The following SPTLC2 variants were observed in gnomAD, a reference collection of about 807,000 sequenced individuals.
SPTLC2 encodes serine palmitoyltransferase 2.
A neutral mutation model predicts 62.0 loss-of-function variants in SPTLC2; 21 were observed. That is an observed-to-expected ratio of 0.34 (90% CI 0.24 to 0.49). The LOEUF is 0.49. SPTLC2 is among the 20% of genes least tolerant of loss of function. The pLI is 0.99. For synonymous variants in SPTLC2, 261 were observed against 261.8 expected, an observed-to-expected ratio of 1.00 and a Z score of 0.03; for missense variants, 511 against 713.0, an observed-to-expected ratio of 0.72 and a Z score of 3.23.
At chr14:77,591,906 G>T (rs2079819829) in intron 2 of SPTLC2, among the ~76,000 whole-genome samples, 1 of 151,856 alleles carries the variant, frequency 6.6e-6, no homozygotes, top group South Asian at 2.1e-4. Flanking sequence ...TGTATTTTTA[G>T]TAGAGACCGG....
chr14:77,597,468 T>C (rs1566791353), intron 1 of SPTLC2, 88 bp from the exon 2 acceptor site: 2 of 1,289,432 alleles, frequency 1.6e-6, no homozygotes, highest in Non-Finnish European at 1.1e-6. Context: ...TTTGCTGAAT[T>C]ATACCTTAAG....
chr14:77,553,375 A>G (rs2079565331), intron 8 of SPTLC2, among the ~76,000 whole-genome samples: 3 of 152,148 alleles, frequency 2.0e-5, no homozygotes, highest in African/African-American at 7.2e-5. Flanking sequence ...AAAGCTTACT[A>G]AAAAACAACT....
Position 77,509,231 on chromosome 14 carries a change from A to G in SPTLC2, c.*3053T>C, listed in dbSNP as rs528033216. 2.0e-5 allele frequency: 3 copies of G among 152,054 alleles called. No individual in the cohort carries two copies. Among genetic ancestry groups the G allele is most frequent in the Non-Finnish European group, 4.4e-5 (3 of 68,014 alleles). The allele number at this position is 152,054 out of a possible 1,614,324, so 9.4% of individuals were successfully genotyped here. A position where few individuals can be genotyped will look rare whatever the true frequency, so the allele number is the denominator to read the frequency against. On this transcript the variant is annotated 3_prime_UTR_variant, in exon 12 of 12. Transcript: ENST00000216484. ...CTAGAAGCTTTTTTTAAAGGTAAGG[A>G]TTTCTTATCCAAAGCAAAGCAAAAA...
chr14:77,566,882 A>G (rs1422643390), intron 5 of SPTLC2, among the ~76,000 whole-genome samples: 1 of 152,022 alleles, frequency 6.6e-6, no homozygotes, highest in Non-Finnish European at 1.5e-5. Context: ...TCAGTATCAG[A>G]TTCAAAGGAT....
chr14:77,515,813 C>T (rs2079355885), intron 11 of SPTLC2, among the ~76,000 whole-genome samples: 1 of 152,098 alleles, frequency 6.6e-6, no homozygotes, highest in Admixed American at 6.5e-5. Context: ...AGGTGTGAGC[C>T]ACCGCACCCA....
intron 10 of SPTLC2, 92 bp downstream of exon 10, chr14:77,521,354 G>C: frequency 6.5e-7 from 1 of 1,528,228 alleles, no homozygotes; most frequent in South Asian, 1.1e-5. Flanking sequence ...GTAAGGACAA[G>C]ACCATTTTCC....
At chr14:77,565,808 T>C (rs973767123) in intron 5 of SPTLC2, among the ~76,000 whole-genome samples, 4 of 152,238 alleles carry the variant, frequency 2.6e-5, no homozygotes, top group Non-Finnish European at 5.9e-5. Flanking sequence ...TCACAGTTAA[T>C]TTCTTAGCTG....
At chr14:77,562,590 G>C in intron 5 of SPTLC2, 101 bp from the exon 6 acceptor site, 2 of 886,102 alleles carry the variant, frequency 2.3e-6, no homozygotes, top group South Asian at 2.8e-5. Flanking sequence ...ATCTTATTAA[G>C]GAAATTGTGC....
At chr14:77,516,010 G>A (rs1329358553) in intron 11 of SPTLC2, among the ~76,000 whole-genome samples, 6 of 25,142 alleles carry the variant, frequency 2.4e-4, no homozygotes, top group Admixed American at 6.1e-4. Context: ...GTGTGTGCGC[G>A]CGCGCGCATG....
At position 77,512,229 on chromosome 14, in the gene SPTLC2, G is replaced by A. The variant is rs1301843579; in HGVS notation, c.*55C>T. ...GTGGTTCCTGGAACTGGCTCACAAAGGCCACAGGCTGTCCTGGGTGAGGGA... is the reference window on the plus strand; with the variant it reads ...GTGGTTCCTGGAACTGGCTCACAAAAGCCACAGGCTGTCCTGGGTGAGGGA... On this transcript the variant is annotated 3_prime_UTR_variant, in exon 12 of 12. Transcript: ENST00000216484. 3.1e-6 allele frequency: 5 copies of A among 1,611,892 alleles called. No individual in the cohort carries two copies. The African/African-American group carries it at 4.0e-5, about 13-fold the overall frequency.
At chr14:77,616,264 G>A (rs1408458067) in intron 1 of SPTLC2, among the ~76,000 whole-genome samples, 184 bp downstream of exon 1, 4 of 152,200 alleles carry the variant, frequency 2.6e-5, no homozygotes, top group South Asian at 2.1e-4. Flanking sequence ...GGGAGCCCCC[G>A]AGCCGTCCTT....
chr14:77,559,360 T>C (rs2079602522), intron 6 of SPTLC2, among the ~76,000 whole-genome samples: 1 of 152,002 alleles, frequency 6.6e-6, no homozygotes, highest in Non-Finnish European at 1.5e-5. Context: ...TTAACCATAT[T>C]ATCTACTTAG....
At chr14:77,560,632 T>TAAAA (rs2079609625) in intron 6 of SPTLC2, among the ~76,000 whole-genome samples, 3 of 5,164 alleles carry the variant, frequency 5.8e-4, no homozygotes, top group South Asian at 0.014. Context: ...AAAATAAAAA[T>TAAAA]ATATATATAT....
intron 1 of SPTLC2, among the ~76,000 whole-genome samples, chr14:77,604,701 C>T (rs1375565389): frequency 6.6e-6 from 1 of 151,872 alleles, no homozygotes; most frequent in Non-Finnish European, 1.5e-5. Flanking sequence ...AACCCCATTT[C>T]TACTAAAAAT....
chr14:77,516,076 T>C (rs1242950535), intron 11 of SPTLC2, among the ~76,000 whole-genome samples: 1 of 148,484 alleles, frequency 6.7e-6, no homozygotes, highest in Admixed American at 6.8e-5. Flanking sequence ...ATGAGGCCCA[T>C]TATTAAATGA....
intron 9 of SPTLC2, among the ~76,000 whole-genome samples, chr14:77,537,048 G>C (rs555947110): frequency 1.3e-5 from 2 of 151,890 alleles, no homozygotes; most frequent in African/African-American, 2.4e-5. Context: ...TCAGCCTCCT[G>C]AATAGCTGGG....
In SPTLC2 at chr14:77,579,163, A is replaced by T. The variant is rs11849902; in HGVS notation, c.328-54T>A. The T allele has an allele frequency of 5.0e-3, 7,847 of 1,580,300 alleles. 336 individuals are homozygous for T. The African/African-American group carries it at 0.093, about 19-fold the overall frequency. On this transcript the variant is annotated intron_variant, in intron 2 of 11. Transcript: ENST00000216484. ...TTTAACTGAGTTACTTTATTAAAAA[A>T]TTTTTTAACAGATGACATGATCTTT...
rs1210034001 is a variant in SPTLC2 at position 77,531,452 on chromosome 14, T to TCTCCTC, written c.1304-9877_1304-9872dup. ...TTCTTCTTCTTCTTCTTCTCCTCCT[T>TCTCCTC]CTCCTCCTCCTCCTCCTCCTCCCCC... On this transcript the variant is annotated intron_variant, in intron 9 of 11. Transcript: ENST00000216484. Among the ~76,000 whole-genome samples, 961 of 110,992 alleles carry TCTCCTC rather than the reference T, an allele frequency of 8.7e-3. 81 individuals are homozygous for TCTCCTC. The highest frequency in any genetic ancestry group is 0.023 in the African/African-American group (607 of 25,954). 72.8% of individuals were successfully genotyped at this position (110,992 alleles called of 152,430 possible).
rs957060916 is a variant in SPTLC2, at chr14:77,555,626, T to C, written c.957-107A>G. On this transcript the variant is annotated intron_variant, in intron 7 of 11. Transcript: ENST00000216484. ...ATTATTGAGTTTACTGCTTCTTTTT[T>C]TTTTCTTGGGACAGAGTTTTGCTCC... is the stretch of plus-strand genomic sequence containing the variant. 4.4e-6 allele frequency: 5 copies of C among 1,127,290 alleles called. No individual in the cohort carries two copies. The African/African-American group carries it at 6.3e-5, about 14-fold the overall frequency. The allele number at this position is 1,127,290 out of a possible 1,614,324, so 69.8% of individuals were successfully genotyped here.
Sources: allele counts gnomAD v4.1 joint callset (sites outside exome capture counted in the v4.1 genomes callset), GRCh38; gene constraint gnomAD v4.1.1; transcripts MANE v1.5; gene names NCBI Gene and HGNC (gene_info 2026-07-23, HGNC 2026-07-21).